Variants in PCK2 observed in about 807,000 individuals in gnomAD.
The protein encoded by PCK2 is phosphoenolpyruvate carboxykinase [GTP], mitochondrial.
PCK2 carries 56 observed loss-of-function variants against 65.9 expected under a neutral mutation model. The observed-to-expected ratio is 0.85, with a 90% confidence interval of 0.69 to 1.06. PCK2 has a LOEUF of 1.06. PCK2 is among the 50% of genes least tolerant of loss of function. The pLI is 0.00. For synonymous variants in PCK2, 305 were observed against 319.6 expected (o/e 0.95, Z 0.49); for missense variants, 843 against 863.1 (o/e 0.98, Z 0.29).
At chr14:24,099,420 G>C in intron 5 of PCK2, 138 bp from the exon 6 acceptor site, 1 of 1,019,466 alleles carries the variant, frequency 9.8e-7, no homozygotes, top group Non-Finnish European at 1.4e-6. Flanking sequence ...CACTAACCCA[G>C]GCCTGATGGC....
At chr14:24,101,534 T>C (rs1302152939) in intron 7 of PCK2, among the ~76,000 whole-genome samples, 1 of 152,196 alleles carries the variant, frequency 6.6e-6, no homozygotes, top group Non-Finnish European at 1.5e-5. Flanking sequence ...AGGTTATCCC[T>C]ACCCATGTGA....
Position 24,094,579 on chromosome 14 carries a change from G to C in PCK2, c.29+145G>C, listed in dbSNP as rs2036770422. 1 of 1,449,466 alleles carries C rather than the reference G, an allele frequency of 6.9e-7. No individual in the cohort carries two copies. Among genetic ancestry groups the C allele is most frequent in the African/African-American group, 1.4e-5 (1 of 70,154 alleles). 89.8% of individuals were successfully genotyped at this position (1,449,466 alleles called of 1,614,324 possible). On this transcript the variant is annotated intron_variant, in intron 1 of 9. Coordinates refer to ENST00000216780, the MANE Select transcript of PCK2 (RefSeq NM_004563.4). This position sits in a 1 kb window ranked among gnomAD's most constrained non-coding sequence, Gnocchi z 4.1. ...GGCAGGGGCGACTGCTGTGGGTCCA[G>C]CCTCCCGCGCCGCGCGTCTCTTGGG...
Position 24,103,644 on chromosome 14 carries a change from T to C in PCK2, c.1603T>C (p.Phe535Leu). 6.2e-7 allele frequency: 1 copy of C among 1,614,172 alleles called. No homozygotes were observed. Among genetic ancestry groups the C allele is most frequent in the Non-Finnish European group, 8.5e-7 (1 of 1,179,992 alleles). The change falls in exon 10 of 10, where the codon TTC (phenylalanine) becomes CTC (leucine). Residue 535 changes from phenylalanine (F) to leucine (L), a missense_variant. Coordinates refer to ENST00000216780, the MANE Select transcript of PCK2 (RefSeq NM_004563.4). ...QLPRIFHVNWFRRDEAGHFLW... is the reference protein window; with the variant it reads ...QLPRIFHVNWLRRDEAGHFLW... ...GCCCCGTATCTTCCATGTCAACTGG[T>C]TCCGGCGTGACGAGGCAGGGCACTT...
Position 24,097,059 on chromosome 14 carries a change from C to G in PCK2, c.197C>G (p.Thr66Ser), listed in dbSNP as rs200792430. Residue 66 changes from threonine (T) to serine (S), a missense_variant, in exon 2 of 10, where the codon ACT becomes AGT. Physicochemically the swap from Thr to Ser is moderately conservative, Grantham distance 58. Transcript: ENST00000216780. The part of the protein sequence containing the change: ...QPEGIHICDG[T>S]EAENTATLTL... ...GAGGGCATCCACATCTGTGATGGAA[C>G]TGAGGCTGAGAATACTGCCACACTG... 605 of 1,613,390 alleles carry G rather than the reference C, an allele frequency of 3.7e-4. 2 individuals are homozygous for G. The highest frequency in any genetic ancestry group is 5.0e-4 in the Non-Finnish European group (589 of 1,179,624).
intron 1 of PCK2, among the ~76,000 whole-genome samples, chr14:24,095,873 G>T (rs1194789250): frequency 1.3e-5 from 2 of 152,116 alleles, no homozygotes; most frequent in African/African-American, 2.4e-5. Context: ...TCAACCTTCC[G>T]CAGAGTTCAG....
At chr14:24,100,554 A>G in intron 7 of PCK2, 1 of 1,074,142 alleles carries the variant, frequency 9.3e-7, no homozygotes, top group South Asian at 4.2e-5. Context: ...GTAAATTCTC[A>G]ATAATAAATA....
chr14:24,099,816 T>C, intron 6 of PCK2, 96 bp downstream of exon 6: 1 of 1,511,486 alleles, frequency 6.6e-7, no homozygotes, highest in African/African-American at 1.4e-5. Flanking sequence ...AGTGAGAAAG[T>C]TTCCTGAACA....
At position 24,099,117 on chromosome 14, in the gene PCK2, G is replaced by T. The variant is rs1352813503; in HGVS notation, c.733G>T (p.Glu245Ter). 3.1e-6 allele frequency: 5 copies of T among 1,612,526 alleles called. No homozygotes were observed. Among genetic ancestry groups the T allele is most frequent in the Non-Finnish European group, 4.2e-6 (5 of 1,179,576 alleles). ...GATTGGCCACGTGCCCGACCAGCGG[G>T]AGATCATCTCCTTCGGCAGCGGCTA... ...TLIGHVPDQR[E>*]IISFGSGYGG... The change falls in exon 5 of 10, where the codon GAG (glutamate) becomes TAG (stop). Residue 245 changes from glutamate to a stop codon, truncating the protein, a stop_gained. Coordinates refer to ENST00000216780, the MANE Select transcript of PCK2 (RefSeq NM_004563.4). LOFTEE classifies it high-confidence loss of function.
chr14:24,103,623 C>A lies in PCK2; in HGVS notation c.1582C>A (p.Arg528Ser). 6.2e-7 allele frequency: 1 copy of A among 1,613,930 alleles called. No homozygotes were observed. The change falls in exon 10 of 10, where the codon CGT becomes AGT. Residue 528 changes from arginine to serine, a missense_variant. Arg to Ser is a moderately radical substitution (Grantham distance 110, BLOSUM62 -1). Transcript: ENST00000216780. Reference protein sequence around the residue: ...MEGRKGAQLPRIFHVNWFRRD... With the variant: ...MEGRKGAQLPSIFHVNWFRRD... ...AGGGCGCAAGGGGGCCCAGCTGCCC[C>A]GTATCTTCCATGTCAACTGGTTCCG...
chr14:24,094,439 G>C lies in PCK2; in HGVS notation c.29+5G>C. 1 of 1,544,360 alleles carries C rather than the reference G, an allele frequency of 6.5e-7. No individual in the cohort carries two copies. The highest frequency in any genetic ancestry group is 8.7e-7 in the Non-Finnish European group (1 of 1,151,294). On this transcript the variant is annotated splice_donor_5th_base_variant and intron_variant, in intron 1 of 9. Transcript: ENST00000216780. This position sits in a 1 kb window ranked among gnomAD's most constrained non-coding sequence, Gnocchi z 4.1. ...ATTGTACCGCCCTGGCCTGCGGTGA[G>C]TGACCCCCGGCCCGGGGCCCACCCG...
intron 1 of PCK2, among the ~76,000 whole-genome samples, chr14:24,095,627 T>A (rs889455723): frequency 7.3e-5 from 11 of 151,220 alleles, no homozygotes; most frequent in African/African-American, 2.2e-4. Flanking sequence ...AAGCACGGGG[T>A]CACGTGGTCC....
At position 24,103,724 on chromosome 14, in the gene PCK2, G is replaced by T; in HGVS notation, c.1683G>T (p.Arg561=). 1 of 1,614,230 alleles carries T rather than the reference G, an allele frequency of 6.2e-7. No individual in the cohort carries two copies. Among genetic ancestry groups the T allele is most frequent in the South Asian group, 1.1e-5 (1 of 91,090 alleles). The stretch of plus-strand genomic sequence containing the variant: ...GGGTGCTAGACTGGATCTGCCGGCG[G>T]TTAGAGGGGGAGGACAGTGCCCGAG... ...NARVLDWICR[R]LEGEDSARET... The change falls in exon 10 of 10, where the codon CGG becomes CGT. Residue 561 remains arginine (R), a synonymous_variant. Transcript: ENST00000216780.
At chr14:24,099,389 G>C in intron 5 of PCK2, 153 bp downstream of exon 5, 2 of 995,852 alleles carry the variant, frequency 2.0e-6, no homozygotes, top group African/African-American at 3.3e-5. Flanking sequence ...TCAGGCTGCT[G>C]AATGTTGAGG....
Position 24,099,091 on chromosome 14 carries a change from T to TA in PCK2, c.707_708insA (p.Ile237AspfsTer40), listed in dbSNP as rs753867230. On this transcript the variant is annotated frameshift_variant, in exon 5 of 10. Coordinates refer to ENST00000216780, the MANE Select transcript of PCK2 (RefSeq NM_004563.4). LOFTEE classifies it high-confidence loss of function. The stretch of plus-strand genomic sequence containing the variant: ...TGGCCGTGCAACCCAGAGAAAACCC[T>TA]GATTGGCCACGTGCCCGACCAGCGG... 7.9e-4 allele frequency: 1,271 copies of TA among 1,610,930 alleles called. 1 individual carries two copies. Among genetic ancestry groups the TA allele is most frequent in the Non-Finnish European group, 9.9e-4 (1,172 of 1,178,118 alleles).
chr14:24,094,676 C>A lies in PCK2; in HGVS notation c.29+242C>A. The A allele has an allele frequency of 6.6e-7, 1 of 1,515,650 alleles. No homozygotes were observed. The highest frequency in any genetic ancestry group is 2.0e-5 in the Admixed American group (1 of 49,920). The allele number at this position is 1,515,650 out of a possible 1,614,324, so 93.9% of individuals were successfully genotyped here. ...TCTGCCTCGCTCGCCTCTGACCGCG[C>A]GATCTCTATCTGCCACTCTCAGAAC... On this transcript the variant is annotated intron_variant, in intron 1 of 9. Transcript: ENST00000216780. This position sits in a 1 kb window ranked among gnomAD's most constrained non-coding sequence, Gnocchi z 4.1.
chr14:24,094,889 G>A lies in PCK2; in HGVS notation c.29+455G>A. 1 of 1,258,512 alleles carries A rather than the reference G, an allele frequency of 7.9e-7. No homozygotes were observed. The highest frequency in any genetic ancestry group is 1.0e-6 in the Non-Finnish European group (1 of 960,064). The allele number at this position is 1,258,512 out of a possible 1,614,324, so 78.0% of individuals were successfully genotyped here. A position where few individuals can be genotyped will look rare whatever the true frequency, so the allele number is the denominator to read the frequency against. On this transcript the variant is annotated intron_variant, in intron 1 of 9. Transcript: ENST00000216780. This position sits in a 1 kb window ranked among gnomAD's most constrained non-coding sequence, Gnocchi z 4.1. ...ACTAAGCTCAGAGCCCCCTAAAGAA[G>A]GTGGAAGGTTAAATATCCATTCCCG... is the stretch of plus-strand genomic sequence containing the variant.
intron 8 of PCK2, 59 bp from the exon 9 acceptor site, chr14:24,103,101 G>A (rs1409481423): frequency 1.4e-5 from 19 of 1,380,982 alleles, no homozygotes; most frequent in Non-Finnish European, 5.2e-6. Context: ...TCACCAGAAG[G>A]GCTGGAGTTA....
chr14:24,098,976 C>G (rs1248410417), intron 4 of PCK2, 73 bp from the exon 5 acceptor site: 1 of 1,203,428 alleles, frequency 8.3e-7, no homozygotes, highest in Non-Finnish European at 1.2e-6. Flanking sequence ...CCTGCCAATC[C>G]CTGATCCCTC....
Position 24,103,608 on chromosome 14 carries a change from G to A in PCK2, c.1567G>A (p.Gly523Arg), listed in dbSNP as rs909344202. The A allele has an allele frequency of 1.2e-6, 2 of 1,613,034 alleles. No homozygotes were observed. The highest frequency in any genetic ancestry group is 2.7e-5 in the African/African-American group (2 of 74,944). Residue 523 changes from glycine to arginine, a missense_variant, in exon 10 of 10, where the codon GGG (glycine) becomes AGG (arginine). Transcript: ENST00000216780. ...EHWLSMEGRK[G>R]AQLPRIFHVN... is the part of the protein sequence containing the mutation. Reference sequence around the variant, plus strand: ...CTGGCTGAGCATGGAAGGGCGCAAGGGGGCCCAGCTGCCCCGTATCTTCCA... The same window carrying A: ...CTGGCTGAGCATGGAAGGGCGCAAGAGGGCCCAGCTGCCCCGTATCTTCCA...
Sources: gnomAD v4.1 joint callset for allele counts (sites outside exome capture counted in the v4.1 genomes callset) on GRCh38, gnomAD v4.1.1 for gene constraint, Gnocchi (gnomAD v3.1) non-coding constraint, MANE v1.5 for transcripts, NCBI Gene and HGNC (gene_info 2026-07-23, HGNC 2026-07-21) for gene names.